SKAP1: variants seen among roughly 807,000 people sequenced by gnomAD.
SKAP1 encodes src kinase-associated phosphoprotein 1.
SKAP1 carries 44 observed loss-of-function variants against 58.5 expected under a neutral mutation model. That is an observed-to-expected ratio of 0.75 (90% confidence interval 0.59 to 0.97). The LOEUF is 0.97. Among genes scored for constraint, SKAP1 ranks in the 50% least tolerant of loss-of-function variants. The pLI is 0.00. For missense variants in SKAP1, 390 were observed against 435.2 expected (o/e 0.90, Z 0.92); for synonymous variants, 127 against 149.7 (o/e 0.85, Z 1.11).
At chr17:48,269,434 C>T (rs1448966523) in intron 4 of SKAP1, among the ~76,000 whole-genome samples, 1 of 152,132 alleles carries the variant, frequency 6.6e-6, no homozygotes, top group Non-Finnish European at 1.5e-5. Flanking sequence ...GAGAATGTGG[C>T]ATAAGTGGGA....
intron 4 of SKAP1, among the ~76,000 whole-genome samples, chr17:48,252,704 C>T (rs1446722662): frequency 7.4e-6 from 1 of 134,870 alleles, no homozygotes. Context: ...ATGGCCAAAG[C>T]TCTAAGCTAG....
At chr17:48,148,969 G>A (rs2063866594) in intron 11 of SKAP1, among the ~76,000 whole-genome samples, 1 of 152,174 alleles carries the variant, frequency 6.6e-6, no homozygotes, top group Non-Finnish European at 1.5e-5. Flanking sequence ...GTGAGCAGAT[G>A]CTCGTTCTCT....
chr17:48,410,914 G>A lies in SKAP1; in HGVS notation c.47-14129C>T, dbSNP rs565708110. Among the ~76,000 whole-genome samples the A allele has an allele frequency of 6.6e-4, 71 of 107,142 alleles. 1 individual carries two copies. The highest frequency in any genetic ancestry group is 2.8e-3 in the Admixed American group (19 of 6,760). 70.3% of individuals were successfully genotyped at this position (107,142 alleles called of 152,430 possible). A position where few individuals can be genotyped will look rare whatever the true frequency, so the allele number is the denominator to read the frequency against. On this transcript the variant is annotated intron_variant, in intron 1 of 12. Coordinates refer to ENST00000336915, the MANE Select transcript of SKAP1 (RefSeq NM_003726.4). ...TGCACTTTAGCCTGGGTGACAGAGCGACAGAGCGAGACTCCATTTCAAAAA... is the reference window on the plus strand; with the variant it reads ...TGCACTTTAGCCTGGGTGACAGAGCAACAGAGCGAGACTCCATTTCAAAAA...
At chr17:48,305,384 C>A (rs1262715296) in intron 4 of SKAP1, among the ~76,000 whole-genome samples, 2 of 152,182 alleles carry the variant, frequency 1.3e-5, no homozygotes. Context: ...CAGCCACAAT[C>A]ATCCATCTAC....
intron 2 of SKAP1, among the ~76,000 whole-genome samples, chr17:48,372,040 C>G (rs8079809): frequency 0.17 from 26,169 of 151,496 alleles, 2,299 homozygotes; most frequent in Non-Finnish European, 0.19. Context: ...TGCACAATCT[C>G]CATTCACTGC....
chr17:48,399,395 A>G (rs2067465397), intron 1 of SKAP1, among the ~76,000 whole-genome samples: 1 of 152,198 alleles, frequency 6.6e-6, no homozygotes, highest in African/African-American at 2.4e-5. Flanking sequence ...TCAACAAACT[A>G]GGAATAGAAG....
intron 3 of SKAP1, among the ~76,000 whole-genome samples, chr17:48,354,123 T>C (rs1281000791): frequency 2.0e-5 from 3 of 152,164 alleles, no homozygotes; most frequent in Non-Finnish European, 4.4e-5. Context: ...GCTTTTAACA[T>C]ACTGAAGAAA....
At chr17:48,143,786 T>C (rs2063796290) in intron 11 of SKAP1, among the ~76,000 whole-genome samples, 1 of 152,242 alleles carries the variant, frequency 6.6e-6, no homozygotes, top group Admixed American at 6.5e-5. Context: ...GATGCTGTCA[T>C]CTGCATCACC....
intron 5 of SKAP1, among the ~76,000 whole-genome samples, chr17:48,188,875 C>G (rs1364464402): frequency 6.6e-6 from 1 of 152,088 alleles, no homozygotes; most frequent in African/African-American, 2.4e-5. Flanking sequence ...TGGCACGCAC[C>G]TGTAGTCCCA....
intron 2 of SKAP1, among the ~76,000 whole-genome samples, chr17:48,371,556 C>T (rs140082562): frequency 4.8e-5 from 7 of 146,806 alleles, no homozygotes; most frequent in African/African-American, 1.8e-4. Flanking sequence ...GTGGCTCACA[C>T]CTGTAATCCC....
At chr17:48,183,487 T>A (rs772485089) in intron 7 of SKAP1, among the ~76,000 whole-genome samples, 1 of 152,192 alleles carries the variant, frequency 6.6e-6, no homozygotes, top group Non-Finnish European at 1.5e-5. Context: ...ATATTTTAAT[T>A]ATCTGGCCAT....
At chr17:48,155,623 G>A (rs955420402) in intron 11 of SKAP1, among the ~76,000 whole-genome samples, 2 of 151,714 alleles carry the variant, frequency 1.3e-5, no homozygotes, top group African/African-American at 4.8e-5. Context: ...TTGGAAGGCC[G>A]AGGCAGATGG....
At chr17:48,316,147 G>T (rs989087850) in intron 4 of SKAP1, among the ~76,000 whole-genome samples, 1 of 152,186 alleles carries the variant, frequency 6.6e-6, no homozygotes, top group African/African-American at 2.4e-5. Context: ...ATGCCAGTCT[G>T]TTGCTTAAAA....
intron 1 of SKAP1, among the ~76,000 whole-genome samples, chr17:48,403,238 G>A (rs2067524730): frequency 6.6e-6 from 1 of 151,520 alleles, no homozygotes; most frequent in South Asian, 2.1e-4. Context: ...ACTGGACATG[G>A]TGGTGCACGC....
At chr17:48,353,236 T>C (rs941569410) in intron 3 of SKAP1, among the ~76,000 whole-genome samples, 1 of 152,182 alleles carries the variant, frequency 6.6e-6, no homozygotes, top group Non-Finnish European at 1.5e-5. Context: ...GAAATCAATA[T>C]ACTGATTTTT....
At chr17:48,279,550 G>A (rs1221020449) in intron 4 of SKAP1, among the ~76,000 whole-genome samples, 1 of 152,142 alleles carries the variant, frequency 6.6e-6, no homozygotes, top group Non-Finnish European at 1.5e-5. Context: ...AATGTGACCT[G>A]TGTCCAAATG....
chr17:48,313,440 C>T (rs2066250906), intron 4 of SKAP1, among the ~76,000 whole-genome samples: 1 of 152,106 alleles, frequency 6.6e-6, no homozygotes, highest in African/African-American at 2.4e-5. Context: ...TTCAGTCTTA[C>T]TCTATTTTTC....
In SKAP1 at chr17:48,410,566, A is replaced by C. The variant is rs144137621; in HGVS notation, c.47-13781T>G. Among the ~76,000 whole-genome samples the C allele has an allele frequency of 3.2e-4, 49 of 152,210 alleles. No homozygotes were observed. In the East Asian group the frequency reaches 9.3e-3, roughly 29 times the overall value. ...TGAGCCTAAAGGATCTTGTAGTGTCAGAAAGTAAGGAAGTGCTGAAAACAC... is the reference window on the plus strand; with the variant it reads ...TGAGCCTAAAGGATCTTGTAGTGTCCGAAAGTAAGGAAGTGCTGAAAACAC... On this transcript the variant is annotated intron_variant, in intron 1 of 12. Coordinates refer to ENST00000336915, the MANE Select transcript of SKAP1 (RefSeq NM_003726.4).
chr17:48,431,681 T>C (rs1317647721), upstream of SKAP1, among the ~76,000 whole-genome samples: 1 of 152,322 alleles, frequency 6.6e-6, no homozygotes, highest in Admixed American at 6.5e-5. Context: ...GCCTCACACA[T>C]CTCCACCTCT....
Sources: gnomAD v4.1 joint callset for allele counts (sites outside exome capture counted in the v4.1 genomes callset) on GRCh38, gnomAD v4.1.1 for gene constraint, MANE v1.5 for transcripts, NCBI Gene and HGNC (gene_info 2026-07-23, HGNC 2026-07-21) for gene names.